The following HECTD4 variants were observed in gnomAD, a reference collection of about 807,000 sequenced individuals.
HECTD4 encodes the protein HECT domain E3 ubiquitin protein ligase 4.
In HECTD4, 114 loss-of-function variants were observed where a neutral mutation model predicts 471.5. That is an observed-to-expected ratio of 0.24 (90% CI 0.21 to 0.28). The LOEUF (loss-of-function observed/expected upper bound fraction) is 0.28, where lower values mean the gene tolerates loss of function less well. Among genes scored for constraint, HECTD4 ranks in the 10% least tolerant of loss-of-function variants. HECTD4 has a pLI of 1.00. For synonymous variants in HECTD4, 2,012 were observed against 2,256.0 expected (o/e 0.89, Z 3.07); for missense variants, 3,866 against 5,651.5 (o/e 0.68, Z 10.13).
chr12:112,317,959 A>C (rs1265920850), intron 2 of HECTD4, among the ~76,000 whole-genome samples: 3 of 145,330 alleles, frequency 2.1e-5, no homozygotes, highest in Non-Finnish European at 4.6e-5. Context: ...CCCATCTCAA[A>C]AAAAAAAAAA....
Position 112,246,952 on chromosome 12 carries a change from C to T in HECTD4, c.4462G>A (p.Ala1488Thr), listed in dbSNP as rs1365490914. 1 of 1,612,238 alleles carries T rather than the reference C, an allele frequency of 6.2e-7. No individual in the cohort carries two copies. Among genetic ancestry groups the T allele is most frequent in the South Asian group, 1.1e-5 (1 of 90,960 alleles). The change falls in exon 29 of 76, where the codon GCC becomes ACC. Residue 1488 changes from alanine (A) to threonine (T), a missense_variant. This residue lies in a region of HECTD4 where 49 missense variants were observed against 43.6 expected (regional missense o/e 1.12). Coordinates refer to ENST00000682272, the MANE Select transcript of HECTD4 (RefSeq NM_001388303.1). ...ATGCTTCTCGTGAGGCCCGACTGGG[C>T]TGCGATGGTGACATGCAGCAACAGC... ...AELLLHVTIA[A>T]QSGLTRSISG...
intron 55 of HECTD4, among the ~76,000 whole-genome samples, chr12:112,197,393 C>G (rs919570123): frequency 1.3e-5 from 2 of 152,218 alleles, no homozygotes; most frequent in Non-Finnish European, 2.9e-5. Flanking sequence ...TCATGGCTCA[C>G]TGCAGCCTTG....
Position 112,381,958 on chromosome 12 carries a change from G to A in HECTD4, c.171C>T (p.Asp57=). ...ILGAPEAADT[D]LEILTFETKN... Reference sequence around the variant, plus strand: ...CGGGGGCCGCCTCGCTCACCTCCAGGTCGGTGTCCGCGGCCTCTGGGGCCC... The same window carrying A: ...CGGGGGCCGCCTCGCTCACCTCCAGATCGGTGTCCGCGGCCTCTGGGGCCC... Residue 57 remains aspartate, a synonymous_variant, in exon 1 of 76, where the codon GAC becomes GAT. Transcript: ENST00000682272. The surrounding 1 kb of genome is among the most constrained non-coding windows in gnomAD (Gnocchi z 4.1). The A allele has an allele frequency of 8.2e-7, 1 of 1,224,158 alleles. No homozygotes were observed. Among genetic ancestry groups the A allele is most frequent in the Non-Finnish European group, 1.0e-6 (1 of 983,030 alleles). The allele number at this position is 1,224,158 out of a possible 1,614,324, so 75.8% of individuals were successfully genotyped here. A position where few individuals can be genotyped will look rare whatever the true frequency, so the allele number is the denominator to read the frequency against.
At chr12:112,361,396 A>G (rs2036446773) in intron 1 of HECTD4, among the ~76,000 whole-genome samples, 1 of 151,950 alleles carries the variant, frequency 6.6e-6, no homozygotes, top group African/African-American at 2.4e-5. Context: ...CAGCCTCCCA[A>G]GTAGCTGGGA....
chr12:112,262,972 T>G (rs2034183239), intron 17 of HECTD4, among the ~76,000 whole-genome samples: 1 of 152,182 alleles, frequency 6.6e-6, no homozygotes, highest in Admixed American at 6.5e-5. Context: ...AACTCTGAAC[T>G]AATGATGAGC....
intron 29 of HECTD4, among the ~76,000 whole-genome samples, chr12:112,246,695 G>A (rs973454255): frequency 1.3e-5 from 2 of 152,126 alleles, no homozygotes; most frequent in Non-Finnish European, 2.9e-5. Flanking sequence ...TGACATACAA[G>A]TATTTCTTTG....
intron 64 of HECTD4, among the ~76,000 whole-genome samples, chr12:112,178,698 G>A (rs911427930): frequency 6.6e-6 from 1 of 152,246 alleles, no homozygotes; most frequent in African/African-American, 2.4e-5. Context: ...CAGGTGAGGT[G>A]TCATGTGCCT....
chr12:112,235,496 C>T lies in HECTD4; in HGVS notation c.5725+8G>A, dbSNP rs889483018. The T allele has an allele frequency of 2.5e-6, 4 of 1,600,686 alleles. No homozygotes were observed. Among genetic ancestry groups the T allele is most frequent in the Non-Finnish European group, 3.4e-6 (4 of 1,172,906 alleles). ...GCCATGCTACTCTCCTGTTGAGGAG[C>T]TTCTCACCTGGAACCACATAATCTG... On this transcript the variant is annotated splice_region_variant and intron_variant, in intron 36 of 75. Transcript: ENST00000682272. The surrounding 1 kb of genome is among the most constrained non-coding windows in gnomAD (Gnocchi z 5.0).
At chr12:112,178,303 C>T (rs1448906560) in intron 64 of HECTD4, among the ~76,000 whole-genome samples, 1 of 152,124 alleles carries the variant, frequency 6.6e-6, no homozygotes, top group African/African-American at 2.4e-5. Flanking sequence ...GTCTTGAACT[C>T]CCGGGCTTAA....
chr12:112,358,833 G>C (rs2036393714), intron 1 of HECTD4, among the ~76,000 whole-genome samples: 1 of 152,068 alleles, frequency 6.6e-6, no homozygotes, highest in African/African-American at 2.4e-5. Flanking sequence ...TGTCAACATA[G>C]TAAGAAAGAC....
At chr12:112,262,958 T>G (rs2034183039) in intron 17 of HECTD4, among the ~76,000 whole-genome samples, 1 of 151,910 alleles carries the variant, frequency 6.6e-6, no homozygotes, top group African/African-American at 2.4e-5. Context: ...TTTAAGAGAG[T>G]AGGAACTCTG....
intron 34 of HECTD4, among the ~76,000 whole-genome samples, chr12:112,238,471 G>GC (rs1323741236): frequency 1.3e-5 from 2 of 152,144 alleles, no homozygotes; most frequent in Non-Finnish European, 2.9e-5. Context: ...AAAAATATTT[G>GC]TTTTTTTGAA....
chr12:112,314,343 T>C, intron 3 of HECTD4, 114 bp downstream of exon 3: 1 of 579,400 alleles, frequency 1.7e-6, no homozygotes, highest in South Asian at 2.4e-5. Flanking sequence ...TCTATACTTA[T>C]TTTAAAATGA....
intron 11 of HECTD4, among the ~76,000 whole-genome samples, chr12:112,271,663 T>C (rs2034415524): frequency 6.6e-6 from 1 of 152,186 alleles, no homozygotes; most frequent in Non-Finnish European, 1.5e-5. Context: ...TCTACTAATC[T>C]ATGGCCCAGG....
At chr12:112,304,694 C>G (rs1311722897) in intron 7 of HECTD4, among the ~76,000 whole-genome samples, 1 of 150,586 alleles carries the variant, frequency 6.6e-6, no homozygotes, top group Non-Finnish European at 1.5e-5. Flanking sequence ...AAAAAAAAAG[C>G]TTTTCTGACA....
intron 44 of HECTD4, among the ~76,000 whole-genome samples, chr12:112,224,014 G>A (rs2033165322): frequency 6.6e-6 from 1 of 151,990 alleles, no homozygotes. Context: ...CTTAAAAAAT[G>A]AAAATCAAAT....
chr12:112,226,501 C>T (rs961116737), intron 44 of HECTD4, 142 bp downstream of exon 44: 32 of 486,590 alleles, frequency 6.6e-5, no homozygotes, highest in Non-Finnish European at 1.0e-4. Context: ...CTGTGATGCA[C>T]GTGAGTTGTG....
chr12:112,377,640 G>A (rs2036807015), intron 1 of HECTD4, among the ~76,000 whole-genome samples: 1 of 152,208 alleles, frequency 6.6e-6, no homozygotes, highest in Non-Finnish European at 1.5e-5. Flanking sequence ...GGAGGCTAAG[G>A]AAAGCAGATT....
intron 8 of HECTD4, among the ~76,000 whole-genome samples, chr12:112,279,953 T>C (rs2034598697): frequency 6.6e-6 from 1 of 152,246 alleles, no homozygotes; most frequent in African/African-American, 2.4e-5. Context: ...GTGAGAACAT[T>C]TCCTTTGAGC....
Sources: allele counts gnomAD v4.1 joint callset (sites outside exome capture counted in the v4.1 genomes callset), GRCh38; gene constraint gnomAD v4.1.1; regional missense constraint gnomAD v4.1.1; non-coding constraint Gnocchi (gnomAD v3.1); transcripts MANE v1.5; gene names NCBI Gene and HGNC (gene_info 2026-07-23, HGNC 2026-07-21).